SECISBP2: variants seen among roughly 807,000 people sequenced by gnomAD.
SECISBP2 encodes the protein selenocysteine insertion sequence-binding protein 2.
In SECISBP2, 96 loss-of-function variants were observed where a neutral mutation model predicts 98.2. The ratio of observed to expected loss-of-function variants is 0.98; its 90% CI spans 0.83 to 1.16. SECISBP2 has a LOEUF of 1.16. Among genes scored for constraint, SECISBP2 ranks in the 50% most tolerant of loss-of-function variants. SECISBP2 has a pLI of 0.00. For missense variants in SECISBP2, 1,046 were observed against 1,022.9 expected (o/e 1.02, Z -0.31); for synonymous variants, 407 against 370.2 (o/e 1.10, Z -1.14).
chr9:89,364,611 G>A (rs906059893), downstream of SECISBP2: 1 of 156,390 alleles, frequency 6.4e-6, no homozygotes, highest in Non-Finnish European at 1.4e-5. Context: ...GCCCGACATT[G>A]GCCACTTCTG....
chr9:89,358,896 C>A lies in SECISBP2; in HGVS notation c.*72C>A. 2.2e-6 allele frequency: 2 copies of A among 894,554 alleles called. No homozygotes were observed. Among genetic ancestry groups the A allele is most frequent in the South Asian group, 1.4e-5 (1 of 73,236 alleles). The allele number at this position is 894,554 out of a possible 1,614,324, so 55.4% of individuals were successfully genotyped here. A position where few individuals can be genotyped will look rare whatever the true frequency, so the allele number is the denominator to read the frequency against. Reference sequence around the variant, plus strand: ...GAAAAAGACTTTGGGGCTTTTTCTTCTGTTTTTCATGACAATGTAATTTGT... The same window carrying A: ...GAAAAAGACTTTGGGGCTTTTTCTTATGTTTTTCATGACAATGTAATTTGT... On this transcript the variant is annotated 3_prime_UTR_variant, in exon 17 of 17. Coordinates refer to ENST00000375807, the MANE Select transcript of SECISBP2 (RefSeq NM_024077.5).
intron 2 of SECISBP2, among the ~76,000 whole-genome samples, chr9:89,320,275 G>C (rs1385960746): frequency 3.5e-5 from 5 of 143,640 alleles, no homozygotes; most frequent in Non-Finnish European, 7.5e-5. Flanking sequence ...AGAATCCTTT[G>C]AACCTGGGAG....
chr9:89,355,810 C>T (rs1831979936), intron 14 of SECISBP2, among the ~76,000 whole-genome samples: 1 of 152,152 alleles, frequency 6.6e-6, no homozygotes, highest in South Asian at 2.1e-4. Context: ...ACCCAGTCCT[C>T]TAGGATCTTC....
chr9:89,361,513 A>T (rs529122820), downstream of SECISBP2: 3 of 152,198 alleles, frequency 2.0e-5, no homozygotes, highest in Non-Finnish European at 4.4e-5. Flanking sequence ...GGACAAGTTC[A>T]CACACACAGT....
Position 89,326,017 on chromosome 9 carries a change from G to A in SECISBP2, c.553G>A (p.Ala185Thr), listed in dbSNP as rs760544228. Reference sequence around the variant, plus strand: ...AGGTTCACATCATTTGTCCATTTACGCTGAGAATAGTTTGAAATCAGGTAA... The same window carrying A: ...AGGTTCACATCATTTGTCCATTTACACTGAGAATAGTTTGAAATCAGGTAA... The part of the protein sequence containing the change: ...ARGSHHLSIY[A>T]ENSLKSDGYH... The change falls in exon 4 of 17, where the codon GCT (alanine) becomes ACT (threonine). Residue 185 changes from alanine (A) to threonine (T), a missense_variant. Physicochemically the swap from Ala to Thr is moderately conservative, Grantham distance 58. Coordinates refer to ENST00000375807, the MANE Select transcript of SECISBP2 (RefSeq NM_024077.5). The A allele has an allele frequency of 9.9e-6, 16 of 1,613,272 alleles. No individual in the cohort carries two copies. In the Admixed American group the frequency reaches 1.8e-4, roughly 18 times the overall value.
chr9:89,356,953 G>C (rs796195439), intron 14 of SECISBP2: 1 of 278,324 alleles, frequency 3.6e-6, no homozygotes. Flanking sequence ...TGGTGCACCA[G>C]CCTTGGCTGG....
chr9:89,341,143 C>T (rs1371784463), intron 9 of SECISBP2, among the ~76,000 whole-genome samples: 1 of 152,140 alleles, frequency 6.6e-6, no homozygotes, highest in Non-Finnish European at 1.5e-5. Flanking sequence ...ACCCAATGTT[C>T]TGAAAGAAGG....
Position 89,339,935 on chromosome 9 carries a change from A to G in SECISBP2, c.1284A>G (p.Gln428=), listed in dbSNP as rs748793740. ...RRDRIETPKF[Q]SKQQPQDNFK... Reference sequence around the variant, plus strand: ...ACAGAATAGAGACACCGAAATTTCAATCTAAGCAGCAGCCACAGGTAATTT... The same window carrying G: ...ACAGAATAGAGACACCGAAATTTCAGTCTAAGCAGCAGCCACAGGTAATTT... Residue 428 remains glutamine (Q), a synonymous_variant, in exon 9 of 17, where the codon CAA becomes CAG. Transcript: ENST00000375807. 2.2e-5 allele frequency: 36 copies of G among 1,612,678 alleles called. No homozygotes were observed. In the Admixed American group the frequency reaches 4.2e-4, roughly 19 times the overall value.
intron 4 of SECISBP2, among the ~76,000 whole-genome samples, chr9:89,326,240 G>T (rs1826680679): frequency 6.6e-6 from 1 of 152,114 alleles, no homozygotes; most frequent in Non-Finnish European, 1.5e-5. Context: ...ATTATTATTT[G>T]GTACCTGTTG....
At position 89,346,893 on chromosome 9, in the gene SECISBP2, C is replaced by T. The variant is rs1830497480; in HGVS notation, c.1447C>T (p.Pro483Ser). The part of the protein sequence containing the change: ...KPVVVSVGAV[P>S]VLSKECASGE... ...CCACTGCGTTTCAGTTGGAGCAGTG[C>T]CAGTCCTTTCCAAAGAATGTGCATC... The change falls in exon 11 of 17, where the codon CCA becomes TCA. Residue 483 changes from proline to serine, a missense_variant. Coordinates refer to ENST00000375807, the MANE Select transcript of SECISBP2 (RefSeq NM_024077.5). 6.2e-7 allele frequency: 1 copy of T among 1,614,038 alleles called. No individual in the cohort carries two copies. Among genetic ancestry groups the T allele is most frequent in the Non-Finnish European group, 8.5e-7 (1 of 1,180,000 alleles).
chr9:89,329,021 T>C (rs1459827287), intron 5 of SECISBP2, 135 bp downstream of exon 5: 4 of 727,702 alleles, frequency 5.5e-6, no homozygotes, highest in Non-Finnish European at 9.5e-6. Flanking sequence ...GGGAAGCCTT[T>C]CATTGTGCAC....
At chr9:89,340,793 ACTT>A (rs1587941742) in intron 9 of SECISBP2, among the ~76,000 whole-genome samples, 2 of 152,230 alleles carry the variant, frequency 1.3e-5, no homozygotes, top group East Asian at 3.8e-4. Context: ...TCCTTGTACA[ACTT>A]TTTATATAGT....
Position 89,346,709 on chromosome 9 carries a change from A to ATTACACAATG in SECISBP2, c.1436-173_1436-172insTTACACAATG, listed in dbSNP as rs1564411976. 4.6e-5 allele frequency among the ~76,000 whole-genome samples: 7 copies of ATTACACAATG among 152,350 alleles called. No homozygotes were observed. The South Asian group carries it at 1.2e-3, about 27-fold the overall frequency. ...TTCATTTGGAATTACTGCCAATGAA[A>ATTACACAATG]AGAATGTGTAAGAGATTGTTCTCAA... On this transcript the variant is annotated intron_variant, in intron 10 of 16. Coordinates refer to ENST00000375807, the MANE Select transcript of SECISBP2 (RefSeq NM_024077.5).
At chr9:89,318,657 C>T in intron 1 of SECISBP2, 45 bp downstream of exon 1, 4 of 1,374,810 alleles carry the variant, frequency 2.9e-6, no homozygotes, top group Middle Eastern at 2.7e-4. Context: ...GTCCGTCCGC[C>T]TGCCTCGCAC....
At chr9:89,345,185 G>GT (rs1170864245) in intron 10 of SECISBP2, among the ~76,000 whole-genome samples, 1 of 152,214 alleles carries the variant, frequency 6.6e-6, no homozygotes, top group African/African-American at 2.4e-5. Flanking sequence ...TGGACTCTGT[G>GT]TAAGTCCCCA....
downstream of SECISBP2, among the ~76,000 whole-genome samples, chr9:89,362,646 G>C (rs1000040581): frequency 6.6e-6 from 1 of 152,256 alleles, no homozygotes; most frequent in African/African-American, 2.4e-5. Flanking sequence ...TCCACTCCCA[G>C]ATTGTGCTGA....
chr9:89,322,967 T>C (rs1826066144), intron 2 of SECISBP2: 1 of 152,196 alleles, frequency 6.6e-6, no homozygotes, highest in African/African-American at 2.4e-5. Context: ...GAAAGATTTT[T>C]AAAGAAGAGG....
intron 9 of SECISBP2, 98 bp from the exon 10 acceptor site, chr9:89,341,249 T>C: frequency 8.3e-7 from 1 of 1,208,220 alleles, no homozygotes; most frequent in Non-Finnish European, 1.2e-6. Flanking sequence ...TTTTATAGTC[T>C]CAATCTTTTT....
intron 10 of SECISBP2, 143 bp downstream of exon 10, chr9:89,341,622 AATAGAATTAAG>A (rs1829670997): frequency 1.0e-6 from 1 of 985,280 alleles, no homozygotes; most frequent in Non-Finnish European, 1.5e-6. Flanking sequence ...GGACCTGTGG[AATAGAATTAAG>A]AGTCCAGAAA....
Sources: allele counts gnomAD v4.1 joint callset (sites outside exome capture counted in the v4.1 genomes callset), GRCh38; gene constraint gnomAD v4.1.1; transcripts MANE v1.5; gene names NCBI Gene and HGNC (gene_info 2026-07-23, HGNC 2026-07-21).